Variants in NALF1 observed in about 807,000 individuals in gnomAD.
NALF1 encodes NALCN channel auxiliary factor 1.
A neutral mutation model predicts 48.4 loss-of-function variants in NALF1; 3 were observed. The ratio of observed to expected loss-of-function variants is 0.06; its 90% confidence interval spans 0.03 to 0.16. NALF1 has a LOEUF of 0.16. NALF1 is among the 10% of genes least tolerant of loss of function. NALF1 has a pLI of 1.00. For missense variants in NALF1, 526 were observed against 571.5 expected, an observed-to-expected ratio of 0.92 and a Z score of 0.81; for synonymous variants, 262 against 245.7, an observed-to-expected ratio of 1.07 and a Z score of -0.62.
intron 1 of NALF1, among the ~76,000 whole-genome samples, chr13:107,848,398 T>C (rs1010260628): frequency 1.3e-5 from 2 of 152,226 alleles, no homozygotes; most frequent in African/African-American, 4.8e-5. Flanking sequence ...TGATTCAATT[T>C]CAAGAGGAAT....
At chr13:107,176,711 C>A (rs1430318687) in intron 2 of NALF1, among the ~76,000 whole-genome samples, 1 of 151,654 alleles carries the variant, frequency 6.6e-6, no homozygotes, top group East Asian at 1.9e-4. Context: ...GTAAGAAAAT[C>A]TCAAATAATA....
At chr13:107,468,047 C>CAAAAAAA (rs1287757353) in intron 1 of NALF1, among the ~76,000 whole-genome samples, 1 of 75,630 alleles carries the variant, frequency 1.3e-5, no homozygotes, top group African/African-American at 4.2e-5. Context: ...GACTCCGTCT[C>CAAAAAAA]AAAAAAAAAA....
chr13:107,166,850 T>C lies in NALF1; in HGVS notation c.*3647A>G, dbSNP rs2138757702. Reference sequence around the variant, plus strand: ...CTGCTATCTGCCTATTTTCTTTTGTTTTAATGACTACAGGTTCTAGTACCT... The same window carrying C: ...CTGCTATCTGCCTATTTTCTTTTGTCTTAATGACTACAGGTTCTAGTACCT... On this transcript the variant is annotated 3_prime_UTR_variant, in exon 3 of 3. Transcript: ENST00000375915. The C allele has an allele frequency of 6.6e-6, 1 of 152,296 alleles. No individual in the cohort carries two copies. The highest frequency in any genetic ancestry group is 1.9e-4 in the East Asian group (1 of 5,186). The allele number at this position is 152,296 out of a possible 1,614,324, so 9.4% of individuals were successfully genotyped here. A position where few individuals can be genotyped will look rare whatever the true frequency, so the allele number is the denominator to read the frequency against.
intron 1 of NALF1, among the ~76,000 whole-genome samples, chr13:107,591,298 T>A (rs1878596927): frequency 6.6e-6 from 1 of 151,970 alleles, no homozygotes; most frequent in South Asian, 2.1e-4. Context: ...TGAGTAACAG[T>A]CTTCATTTGA....
At chr13:107,526,004 T>C (rs902253288) in intron 1 of NALF1, among the ~76,000 whole-genome samples, 1 of 152,156 alleles carries the variant, frequency 6.6e-6, no homozygotes, top group East Asian at 1.9e-4. Context: ...TCTAAACCAT[T>C]GAGTTTTAAG....
At chr13:107,696,280 G>A (rs1247301123) in intron 1 of NALF1, among the ~76,000 whole-genome samples, 1 of 152,190 alleles carries the variant, frequency 6.6e-6, no homozygotes, top group Non-Finnish European at 1.5e-5. Context: ...GCTAAAGATT[G>A]CCTCTGGTAA....
chr13:107,568,842 A>AT (rs1275999932), intron 1 of NALF1, among the ~76,000 whole-genome samples: 1 of 152,182 alleles, frequency 6.6e-6, no homozygotes, highest in African/African-American at 2.4e-5. Context: ...ATACAAGGTC[A>AT]TTGTCAGATA....
At chr13:107,371,269 AAACCC>A (rs1441798633) in intron 1 of NALF1, among the ~76,000 whole-genome samples, 1 of 152,078 alleles carries the variant, frequency 6.6e-6, no homozygotes, top group Non-Finnish European at 1.5e-5. Context: ...CAACACAGGG[AAACCC>A]TGTCTCTACA....
chr13:107,841,801 T>A (rs544357403), intron 1 of NALF1, among the ~76,000 whole-genome samples: 158 of 152,228 alleles, frequency 1.0e-3, no homozygotes, highest in Non-Finnish European at 2.0e-3. Flanking sequence ...GTACGCCTTT[T>A]TTTATAATAT....
At chr13:107,520,631 A>G (rs981251767) in intron 1 of NALF1, among the ~76,000 whole-genome samples, 3 of 152,194 alleles carry the variant, frequency 2.0e-5, no homozygotes, top group African/African-American at 7.2e-5. Context: ...AAGTTTATTC[A>G]CCCAATCATT....
intron 1 of NALF1, among the ~76,000 whole-genome samples, chr13:107,774,281 T>C (rs1877662521): frequency 6.6e-6 from 1 of 152,216 alleles, no homozygotes; most frequent in Admixed American, 6.5e-5. Context: ...CTCAATGGTT[T>C]ACAAATATTA....
chr13:107,659,437 T>C (rs1265268879), intron 1 of NALF1, among the ~76,000 whole-genome samples: 2 of 152,136 alleles, frequency 1.3e-5, no homozygotes, highest in Non-Finnish European at 2.9e-5. Context: ...ATCATCCTTG[T>C]AATCCCTCAA....
intron 1 of NALF1, among the ~76,000 whole-genome samples, chr13:107,757,983 T>C (rs912180231): frequency 6.6e-6 from 1 of 152,210 alleles, no homozygotes; most frequent in Non-Finnish European, 1.5e-5. Context: ...GTTCAGGGGC[T>C]GATGGGAGAG....
chr13:107,680,473 T>C (rs1881261661), intron 1 of NALF1, among the ~76,000 whole-genome samples: 1 of 151,910 alleles, frequency 6.6e-6, no homozygotes, highest in Admixed American at 6.6e-5. Flanking sequence ...TGCATATGAA[T>C]GAGAGTGTGT....
chr13:107,808,480 T>G (rs545610445), intron 1 of NALF1, among the ~76,000 whole-genome samples: 141 of 152,268 alleles, frequency 9.3e-4, no homozygotes, highest in Non-Finnish European at 1.9e-3. Context: ...CCTGACTTCC[T>G]GCACAACAGG....
intron 1 of NALF1, among the ~76,000 whole-genome samples, chr13:107,435,409 A>G (rs1447455199): frequency 6.6e-6 from 1 of 152,128 alleles, no homozygotes; most frequent in African/African-American, 2.4e-5. Flanking sequence ...CCTTCATTAA[A>G]TTAATACACG....
chr13:107,186,728 T>C (rs964720905), intron 2 of NALF1, among the ~76,000 whole-genome samples: 5 of 152,214 alleles, frequency 3.3e-5, no homozygotes, highest in African/African-American at 1.2e-4. Flanking sequence ...ACAATCTGTA[T>C]TCATTTTCCC....
rs115333417 is a variant in NALF1 at position 107,437,285 on chromosome 13, T to C, written c.916-226530A>G. Reference sequence around the variant, plus strand: ...CAGGGGTACACTGACTATCCTGTATTGTTGGTAGGGTAAAATAGTCCGATC... The same window carrying C: ...CAGGGGTACACTGACTATCCTGTATCGTTGGTAGGGTAAAATAGTCCGATC... On this transcript the variant is annotated intron_variant, in intron 1 of 2. Transcript: ENST00000375915. Among the ~76,000 whole-genome samples, 871 of 152,300 alleles carry C rather than the reference T, an allele frequency of 5.7e-3. 7 individuals carry two copies. Among genetic ancestry groups the C allele is most frequent in the African/African-American group, 0.02 (823 of 41,570 alleles).
chr13:107,365,861 A>T (rs1237444855), intron 1 of NALF1, among the ~76,000 whole-genome samples: 1 of 152,204 alleles, frequency 6.6e-6, no homozygotes, highest in Non-Finnish European at 1.5e-5. Flanking sequence ...ACTATGCAGC[A>T]TTACTAGTTC....
Sources: gnomAD v4.1 joint callset for allele counts (sites outside exome capture counted in the v4.1 genomes callset) on GRCh38, gnomAD v4.1.1 for gene constraint, MANE v1.5 for transcripts, NCBI Gene and HGNC (gene_info 2026-07-23, HGNC 2026-07-21) for gene names.